TASOR2: variants seen among roughly 807,000 people sequenced by gnomAD.
TASOR2 encodes protein TASOR 2.
In TASOR2, 84 loss-of-function variants were observed where a neutral mutation model predicts 199.5. The observed-to-expected ratio is 0.42, with a 90% CI of 0.35 to 0.50. The LOEUF is 0.50. Ranked by LOEUF, TASOR2 falls within the 20% of genes least tolerant of loss-of-function variation. TASOR2 has a pLI of 0.02. For synonymous variants in TASOR2, 1,103 were observed against 1,046.6 expected, an observed-to-expected ratio of 1.05 and a Z score of -1.04; for missense variants, 2,796 against 2,835.9, an observed-to-expected ratio of 0.99 and a Z score of 0.32.
intron 8 of TASOR2, among the ~76,000 whole-genome samples, chr10:5,724,802 A>C (rs936223688): frequency 1.3e-5 from 2 of 151,682 alleles, no homozygotes; most frequent in African/African-American, 4.8e-5. Context: ...GATGCCTGAA[A>C]CTGTGGATAG....
rs768247017 is a variant in TASOR2 at position 5,742,097 on chromosome 10, G to C, written c.2328G>C (p.Gly776=). ...ATGTGTTCTTTCTGTAAACTCTTAG[G>C]CCCTGGAATACTGATTTGCCTGATA... The change falls in exon 14 of 21, where the codon GGG becomes GGC. Residue 776 remains glycine, a splice_region_variant and synonymous_variant. Transcript: ENST00000328090. The surrounding 1 kb of genome is among the most constrained non-coding windows in gnomAD (Gnocchi z 4.2). 1 of 1,613,124 alleles carries C rather than the reference G, an allele frequency of 6.2e-7. No individual in the cohort carries two copies. Among genetic ancestry groups the C allele is most frequent in the Non-Finnish European group, 8.5e-7 (1 of 1,179,790 alleles).
intron 6 of TASOR2, 42 bp from the exon 8 acceptor site, chr10:5,723,635 A>G (rs775474495): frequency 8.1e-7 from 1 of 1,234,066 alleles, no homozygotes; most frequent in African/African-American, 1.5e-5. Context: ...ATTTAGATCC[A>G]CTGTTTATTA....
exon 15 of TASOR2, chr10:5,746,775 G>A: frequency 6.2e-7 from 1 of 1,614,200 alleles, no homozygotes; most frequent in South Asian, 1.1e-5. Context: ...TTGCAGGACA[G>A]AAGGGCACTA....
At chr10:5,762,672 C>CTG in intron 20 of TASOR2, 26 bp downstream of exon 21, 1 of 1,084,366 alleles carries the variant, frequency 9.2e-7, no homozygotes, top group Non-Finnish European at 1.4e-6. Context: ...ATGTAACTTT[C>CTG]CCATGTGAGT....
intron 1 of TASOR2, among the ~76,000 whole-genome samples, chr10:5,702,863 G>A (rs1046982317): frequency 6.6e-6 from 1 of 152,082 alleles, no homozygotes; most frequent in Non-Finnish European, 1.5e-5. Context: ...ACATATTCTG[G>A]TAAAAAATTT....
chr10:5,761,356 A>C (rs763691033), exon 19 of TASOR2: 3 of 1,614,042 alleles, frequency 1.9e-6, no homozygotes, highest in Non-Finnish European at 2.5e-6. Context: ...ATATCATTGA[A>C]TTGCTTCATT....
At chr10:5,709,920 T>G (rs1159179651) in intron 1 of TASOR2, among the ~76,000 whole-genome samples, 1 of 152,196 alleles carries the variant, frequency 6.6e-6, no homozygotes, top group Non-Finnish European at 1.5e-5. Context: ...ATTCATCACT[T>G]AAGCCCTAAG....
exon 15 of TASOR2, chr10:5,747,024 G>A (rs776413785): frequency 1.5e-5 from 25 of 1,614,124 alleles, no homozygotes; most frequent in Admixed American, 1.3e-4. Flanking sequence ...TTCTAGAACT[G>A]ACACAGGTTG....
At chr10:5,756,097 C>G (rs1189787568) in intron 15 of TASOR2, among the ~76,000 whole-genome samples, 1 of 152,182 alleles carries the variant, frequency 6.6e-6, no homozygotes, top group Non-Finnish European at 1.5e-5. Context: ...GGGAGCCATT[C>G]TGTGTGTTGA....
chr10:5,708,092 C>T (rs548470021), intron 1 of TASOR2, among the ~76,000 whole-genome samples: 1 of 152,304 alleles, frequency 6.6e-6, no homozygotes, highest in East Asian at 1.9e-4. Flanking sequence ...TAAAACTATA[C>T]ATGCTGTTTT....
At chr10:5,761,668 T>C in intron 19 of TASOR2, 197 bp downstream of exon 20, 2 of 577,928 alleles carry the variant, frequency 3.5e-6, no homozygotes, top group Non-Finnish European at 6.1e-6. Flanking sequence ...AATCCTCCTA[T>C]GTATGTAAGT....
chr10:5,738,778 G>A lies in TASOR2; in HGVS notation c.1448-840G>A, dbSNP rs372085068. ...TGCAGCAGGGAATCATTGCCTAGCA[G>A]AGTTGTGAAGTTTATCCTTCATAAT... is the stretch of plus-strand genomic sequence containing the variant. On this transcript the variant is annotated intron_variant, in intron 12 of 20. Coordinates refer to ENST00000328090, the Ensembl canonical transcript of TASOR2. This position sits in a 1 kb window ranked among gnomAD's most constrained non-coding sequence, Gnocchi z 4.7. 3.9e-5 allele frequency among the ~76,000 whole-genome samples: 6 copies of A among 152,132 alleles called. No homozygotes were observed. The highest frequency in any genetic ancestry group is 1.4e-4 in the African/African-American group (6 of 41,508).
At position 5,710,061 on chromosome 10, in the gene TASOR2, G is replaced by A. The variant is rs558440259; in HGVS notation, c.-287-2762G>A. Among the ~76,000 whole-genome samples, 3 of 152,228 alleles carry A rather than the reference G, an allele frequency of 2.0e-5. No individual in the cohort carries two copies. The highest frequency in any genetic ancestry group is 7.2e-5 in the African/African-American group (3 of 41,564). Reference sequence around the variant, plus strand: ...TCTTGAATGTTTAAATAAAGCTTGAGCATTGCTCAGCAGTTATGAGACCAT... The same window carrying A: ...TCTTGAATGTTTAAATAAAGCTTGAACATTGCTCAGCAGTTATGAGACCAT... On this transcript the variant is annotated intron_variant, in intron 1 of 20. Coordinates refer to ENST00000328090, the Ensembl canonical transcript of TASOR2. The surrounding 1 kb of genome is among the most constrained non-coding windows in gnomAD (Gnocchi z 4.6).
chr10:5,703,813 T>TA (rs1838222969), intron 1 of TASOR2, among the ~76,000 whole-genome samples: 1 of 152,148 alleles, frequency 6.6e-6, no homozygotes, highest in African/African-American at 2.4e-5. Flanking sequence ...CTGATGTTTT[T>TA]ATTTAAGATT....
At position 5,691,688 on chromosome 10, in the gene TASOR2, A is replaced by G. The variant is rs117709637; in HGVS notation, c.-288+6513A>G. Among the ~76,000 whole-genome samples the G allele has an allele frequency of 4.9e-3, 750 of 152,314 alleles. 4 individuals are homozygous for G. Among genetic ancestry groups the G allele is most frequent in the Non-Finnish European group, 6.5e-3 (442 of 68,028 alleles). On this transcript the variant is annotated intron_variant, in intron 1 of 20. Coordinates refer to ENST00000328090, the Ensembl canonical transcript of TASOR2. ...TTTCTTCTGGGCAATGCATGTGGGT[A>G]TCTTAGATTGCTTAGTTAAAACATA...
rs960564241 is a variant in TASOR2 at position 5,690,465 on chromosome 10, G to C, written c.-288+5290G>C. Among the ~76,000 whole-genome samples the C allele has an allele frequency of 4.6e-5, 7 of 152,192 alleles. No homozygotes were observed. Among genetic ancestry groups the C allele is most frequent in the African/African-American group, 1.4e-4 (6 of 41,430 alleles). Reference sequence around the variant, plus strand: ...GATCCCAATGCCTGAGGTTTGTCCAGTTGGGGCACCTACTTTACCCTTGTG... The same window carrying C: ...GATCCCAATGCCTGAGGTTTGTCCACTTGGGGCACCTACTTTACCCTTGTG... On this transcript the variant is annotated intron_variant, in intron 1 of 20. Transcript: ENST00000328090. The surrounding 1 kb of genome is among the most constrained non-coding windows in gnomAD (Gnocchi z 4.8).
chr10:5,740,333 A>G lies in TASOR2; in HGVS notation c.2163A>G (p.Arg721=), dbSNP rs1324030070. 6.2e-7 allele frequency: 1 copy of G among 1,614,090 alleles called. No homozygotes were observed. Among genetic ancestry groups the G allele is most frequent in the Non-Finnish European group, 8.5e-7 (1 of 1,180,028 alleles). The change falls in exon 13 of 21, where the codon CGA becomes CGG. Residue 721 remains arginine (R), a synonymous_variant. Transcript: ENST00000328090. This position sits in a 1 kb window ranked among gnomAD's most constrained non-coding sequence, Gnocchi z 5.3. Reference sequence around the variant, plus strand: ...ACCCCGTGGTGAAGCCCAAGGATCGACCACCGTCTGCCCGTGTGAAAAAAT... The same window carrying G: ...ACCCCGTGGTGAAGCCCAAGGATCGGCCACCGTCTGCCCGTGTGAAAAAAT...
Position 5,742,131 on chromosome 10 carries a change from G to A in TASOR2, c.2362G>A (p.Glu788Lys). 6.2e-7 allele frequency: 1 copy of A among 1,614,130 alleles called. No homozygotes were observed. The highest frequency in any genetic ancestry group is 2.2e-5 in the East Asian group (1 of 44,882). Residue 788 changes from glutamate (E) to lysine (K), a missense_variant, in exon 14 of 21, where the codon GAA (glutamate) becomes AAA (lysine). Glu to Lys is a moderately conservative substitution (Grantham distance 56, BLOSUM62 1). This residue lies in a region of TASOR2 where 1,941 missense variants were observed against 1,924.9 expected (regional missense o/e 1.01). Coordinates refer to ENST00000328090, the Ensembl canonical transcript of TASOR2. The surrounding 1 kb of genome is among the most constrained non-coding windows in gnomAD (Gnocchi z 4.2). ...TACTGATTTGCCTGATAATGTGGAA[G>A]AAGTGAAGCTTTTACTTCATATGTG...
At chr10:5,717,414 G>T (rs772158742) in intron 2 of TASOR2, among the ~76,000 whole-genome samples, 2 of 151,996 alleles carry the variant, frequency 1.3e-5, no homozygotes, top group South Asian at 2.1e-4. Flanking sequence ...CAGAATTAGC[G>T]CTCTCTTCCA....
Sources: allele counts gnomAD v4.1 joint callset (sites outside exome capture counted in the v4.1 genomes callset), GRCh38; gene constraint gnomAD v4.1.1; regional missense constraint gnomAD v4.1.1; non-coding constraint Gnocchi (gnomAD v3.1); transcripts MANE v1.5; gene names NCBI Gene and HGNC (gene_info 2026-07-23, HGNC 2026-07-21).